RNF212: variants seen among roughly 807,000 people sequenced by gnomAD.
RNF212 encodes probable E3 SUMO-protein ligase RNF212.
RNF212 carries 33 observed loss-of-function variants against 34.7 expected under a neutral mutation model. That is an observed-to-expected ratio of 0.95 (90% CI 0.72 to 1.27). The LOEUF is 1.27. RNF212 is among the 50% of genes most tolerant of loss of function. The pLI is 0.00. For missense variants in RNF212, 377 were observed against 362.2 expected (o/e 1.04, Z -0.33); for synonymous variants, 140 against 136.1 (o/e 1.03, Z -0.20).
intron 8 of RNF212, among the ~76,000 whole-genome samples, chr4:1,075,023 C>T (rs912633953): frequency 3.9e-5 from 6 of 152,192 alleles, no homozygotes; most frequent in African/African-American, 1.2e-4. Context: ...AGAAAATCTC[C>T]GCAGAGCGTT....
At chr4:1,085,401 G>C (rs573735211) in intron 5 of RNF212, among the ~76,000 whole-genome samples, 2 of 152,224 alleles carry the variant, frequency 1.3e-5, no homozygotes, top group Non-Finnish European at 2.9e-5. Context: ...CCCCATTTTG[G>C]TTAATCCTAG....
chr4:1,102,536 AG>A (rs1464441225), intron 2 of RNF212, among the ~76,000 whole-genome samples: 1 of 152,170 alleles, frequency 6.6e-6, no homozygotes, highest in Non-Finnish European at 1.5e-5. Context: ...CCTGGCTAAC[AG>A]GGTGAAACAC....
In RNF212 at chr4:1,103,825, C is replaced by T. The variant is rs151323310; in HGVS notation, c.171+4518G>A. 2.9e-3 allele frequency among the ~76,000 whole-genome samples: 448 copies of T among 152,208 alleles called. 4 individuals are homozygous for T. Among genetic ancestry groups the T allele is most frequent in the African/African-American group, 8.5e-3 (352 of 41,538 alleles). ...CTTGACCCTGAAATTAGGAAAATGACGAGGGCGCCAGCTAATGCCACCGTT... is the reference window on the plus strand; with the variant it reads ...CTTGACCCTGAAATTAGGAAAATGATGAGGGCGCCAGCTAATGCCACCGTT... On this transcript the variant is annotated intron_variant, in intron 2 of 9. Coordinates refer to ENST00000433731, the MANE Select transcript of RNF212 (RefSeq NM_001131034.4).
chr4:1,081,508 AGT>A (rs1432155764), intron 6 of RNF212, 41 bp from the exon 7 acceptor site: 1 of 1,609,008 alleles, frequency 6.2e-7, no homozygotes, highest in South Asian at 1.1e-5. Context: ...CAGTGCACAC[AGT>A]GTGACTCAGC....
chr4:1,075,875 C>A (rs921462343), intron 8 of RNF212, among the ~76,000 whole-genome samples: 1 of 152,048 alleles, frequency 6.6e-6, no homozygotes, highest in Non-Finnish European at 1.5e-5. Context: ...GTCACCCAGG[C>A]TGGTCTCAAA....
At chr4:1,108,550 G>A in intron 1 of RNF212, 146 bp from the exon 2 acceptor site, 1 of 447,898 alleles carries the variant, frequency 2.2e-6, no homozygotes, top group Non-Finnish European at 4.0e-6. Flanking sequence ...GAGGCTGTGG[G>A]TACTGGTACA....
intron 4 of RNF212, among the ~76,000 whole-genome samples, chr4:1,057,992 C>T (rs983465459): frequency 7.3e-5 from 11 of 151,664 alleles, no homozygotes; most frequent in African/African-American, 1.5e-4. Context: ...ACCCAGGAGG[C>T]GGAGGTTGCG....
At chr4:1,100,085 T>C (rs758924823) in intron 2 of RNF212, 18 of 349,986 alleles carry the variant, frequency 5.1e-5, no homozygotes, top group Non-Finnish European at 7.9e-5. Context: ...GGCGCCAGGC[T>C]TACACAGGAC....
At chr4:1,061,375 C>T (rs1717738666) in intron 3 of RNF212, among the ~76,000 whole-genome samples, 1 of 152,296 alleles carries the variant, frequency 6.6e-6, no homozygotes, top group East Asian at 1.9e-4. Flanking sequence ...GAGAGGCCCA[C>T]AGTCCTGGCT....
intron 8 of RNF212, among the ~76,000 whole-genome samples, chr4:1,075,475 T>C (rs1421223694): frequency 6.6e-6 from 1 of 151,542 alleles, no homozygotes; most frequent in Non-Finnish European, 1.5e-5. Flanking sequence ...GACTGGGGGG[T>C]GGTGCCATGT....
chr4:1,077,788 C>T (rs745959710), intron 8 of RNF212, among the ~76,000 whole-genome samples: 1 of 152,178 alleles, frequency 6.6e-6, no homozygotes, highest in Non-Finnish European at 1.5e-5. Flanking sequence ...CCAGCAGGGC[C>T]TGAGGGGGCA....
intron 8 of RNF212, among the ~76,000 whole-genome samples, chr4:1,077,241 CAAACA>C (rs1719465979): frequency 6.6e-6 from 1 of 152,196 alleles, no homozygotes; most frequent in Admixed American, 6.5e-5. Context: ...AACAAACAAA[CAAACA>C]AAAAACAAAA....
rs1302896119 is a variant in RNF212, at chr4:1,071,526, A to G, written c.*1348T>C. 6.6e-6 allele frequency: 1 copy of G among 152,238 alleles called. No individual in the cohort carries two copies. The highest frequency in any genetic ancestry group is 2.4e-5 in the African/African-American group (1 of 41,466). 9.4% of individuals were successfully genotyped at this position (152,238 alleles called of 1,614,324 possible). A position where few individuals can be genotyped will look rare whatever the true frequency, so the allele number is the denominator to read the frequency against. ...TCTGATAAGGAAATGTCATCCAAAA[A>G]AAAGACACACAAAAAAGAAATGTCA... On this transcript the variant is annotated 3_prime_UTR_variant, in exon 10 of 10. Transcript: ENST00000433731.
chr4:1,093,695 C>T (rs761714470), intron 3 of RNF212: 2 of 1,536,236 alleles, frequency 1.3e-6, no homozygotes, highest in South Asian at 2.4e-5. Context: ...CGGCCTGTGG[C>T]TCTGATGTCT....
At chr4:1,087,720 G>A (rs934876201) in intron 4 of RNF212, among the ~76,000 whole-genome samples, 2 of 151,314 alleles carry the variant, frequency 1.3e-5, no homozygotes, top group African/African-American at 4.9e-5. Flanking sequence ...TCAAGGGGAA[G>A]AATCTGGGGG....
intron 3 of RNF212, chr4:1,093,925 G>A: frequency 6.5e-7 from 1 of 1,536,162 alleles, no homozygotes; most frequent in Non-Finnish European, 8.7e-7. Flanking sequence ...CTGCTGCTTG[G>A]CTTCCATGGG....
chr4:1,079,754 A>G, intron 7 of RNF212, 66 bp from the exon 8 acceptor site: 1 of 1,042,122 alleles, frequency 9.6e-7, no homozygotes, highest in South Asian at 1.3e-5. Flanking sequence ...GTCAGTTGAA[A>G]TACACACATG....
chr4:1,097,829 C>G (rs937995437), intron 2 of RNF212, among the ~76,000 whole-genome samples: 1 of 152,218 alleles, frequency 6.6e-6, no homozygotes, highest in African/African-American at 2.4e-5. Context: ...CTTTGGGAGG[C>G]CAAGGTGGGC....
chr4:1,085,393 C>G (rs1721004920), intron 5 of RNF212, among the ~76,000 whole-genome samples: 2 of 152,214 alleles, frequency 1.3e-5, no homozygotes, highest in South Asian at 4.1e-4. Context: ...CTTTAAGTCC[C>G]CATTTTGGTT....
Sources: gnomAD v4.1 joint callset for allele counts (sites outside exome capture counted in the v4.1 genomes callset) on GRCh38, gnomAD v4.1.1 for gene constraint, MANE v1.5 for transcripts, NCBI Gene and HGNC (gene_info 2026-07-23, HGNC 2026-07-21) for gene names.